The following MAP3K8 variants were observed in gnomAD, a reference collection of about 807,000 sequenced individuals.
The protein encoded by MAP3K8 is Ewing sarcoma transformant.
Under a neutral mutation model 45.8 loss-of-function variants are expected in MAP3K8, and 22 were observed. That is an observed-to-expected ratio of 0.48 (90% CI 0.34 to 0.69). The LOEUF (loss-of-function observed/expected upper bound fraction) is 0.69. Among genes scored for constraint, MAP3K8 ranks in the 30% least tolerant of loss-of-function variants. The probability of loss-of-function intolerance (pLI) is 0.01; values close to 1 mark genes in which losing one functional copy is unlikely to be tolerated. For synonymous variants in MAP3K8, 223 were observed against 214.3 expected (o/e 1.04, Z -0.36); for missense variants, 419 against 585.0 (o/e 0.72, Z 2.93).
rs555475651 is a variant in MAP3K8 at position 30,450,621 on chromosome 10, G to A, written c.766+102G>A. On this transcript the variant is annotated intron_variant, in intron 5 of 8. Transcript: ENST00000263056. ...ATCTGAAGACCCTCCATGGAGGGTG[G>A]AAAGCTCCCTCAGAGCACCGTCCGT... The A allele has an allele frequency of 3.5e-4, 356 of 1,016,598 alleles. 5 individuals are homozygous for A. The South Asian group carries it at 5.1e-3, about 15-fold the overall frequency. The allele number at this position is 1,016,598 out of a possible 1,614,324, so 63.0% of individuals were successfully genotyped here.
In MAP3K8 at chr10:30,460,728, C is replaced by T. The variant is rs369517029; in HGVS notation, c.1296C>T (p.Thr432=). 1.1e-4 allele frequency: 184 copies of T among 1,611,240 alleles called. No homozygotes were observed. In the South Asian group the frequency reaches 1.7e-3, roughly 15 times the overall value. Residue 432 remains threonine, a synonymous_variant, in exon 9 of 9, where the codon ACC becomes ACT. Transcript: ENST00000263056. ...CAGATTCTTCGTGCACAGGAAGCACCGAGGAATCTGAGATGCTCAAGAGGC... is the reference window on the plus strand; with the variant it reads ...CAGATTCTTCGTGCACAGGAAGCACTGAGGAATCTGAGATGCTCAAGAGGC... ...NIADSSCTGS[T]EESEMLKRQR...
Position 30,461,158 on chromosome 10 carries a change from G to A in MAP3K8, c.*322G>A, listed in dbSNP as rs982027555. On this transcript the variant is annotated 3_prime_UTR_variant, in exon 9 of 9. Coordinates refer to ENST00000263056, the MANE Select transcript of MAP3K8 (RefSeq NM_005204.4). ...AAAATTTTAAAAATACCAATCACAA[G>A]GATAATAGAGTAGCCTAAAATTACT... 2 of 274,454 alleles carry A rather than the reference G, an allele frequency of 7.3e-6. No homozygotes were observed. The highest frequency in any genetic ancestry group is 1.4e-5 in the Non-Finnish European group (2 of 145,440). 17.0% of individuals were successfully genotyped at this position (274,454 alleles called of 1,614,324 possible). A position where few individuals can be genotyped will look rare whatever the true frequency, so the allele number is the denominator to read the frequency against.
At chr10:30,443,889 C>T (rs1025852599) in intron 3 of MAP3K8, among the ~76,000 whole-genome samples, 8 of 152,114 alleles carry the variant, frequency 5.3e-5, no homozygotes, top group African/African-American at 1.9e-4. Context: ...GCATAGAGTT[C>T]CCTAAGATGG....
chr10:30,440,738 G>T (rs1463211839), intron 3 of MAP3K8, among the ~76,000 whole-genome samples: 1 of 151,972 alleles, frequency 6.6e-6, no homozygotes, highest in African/African-American at 2.4e-5. Context: ...TCTATACCGA[G>T]AAATATAATT....
intron 6 of MAP3K8, among the ~76,000 whole-genome samples, chr10:30,453,500 C>G (rs1486772997): frequency 6.6e-6 from 1 of 152,144 alleles, no homozygotes; most frequent in Admixed American, 6.6e-5. Flanking sequence ...AAATGAGATT[C>G]TGAAAAATGC....
rs945923716 is a variant in MAP3K8, at chr10:30,461,518, A to C, written c.*682A>C. On this transcript the variant is annotated 3_prime_UTR_variant, in exon 9 of 9. Coordinates refer to ENST00000263056, the MANE Select transcript of MAP3K8 (RefSeq NM_005204.4). ...TTTGAATGTGGATAAAACTGTGTAA[A>C]CCACATAATTTTTGTACATCCCAAA... The C allele has an allele frequency of 1.1e-4, 22 of 194,390 alleles. No homozygotes were observed. Among genetic ancestry groups the C allele is most frequent in the Admixed American group, 3.1e-4 (5 of 16,370 alleles). The allele number at this position is 194,390 out of a possible 1,614,324, so 12.0% of individuals were successfully genotyped here.
At chr10:30,454,836 C>T (rs756723145) in intron 6 of MAP3K8, among the ~76,000 whole-genome samples, 22 of 151,580 alleles carry the variant, frequency 1.5e-4, no homozygotes, top group East Asian at 5.8e-4. Flanking sequence ...TTAATGCTTA[C>T]GACATGTTTT....
chr10:30,453,633 G>A (rs1198801948), intron 6 of MAP3K8, among the ~76,000 whole-genome samples: 1 of 152,216 alleles, frequency 6.6e-6, no homozygotes, highest in Admixed American at 6.5e-5. Context: ...CAACGAGGAA[G>A]CATGACACAA....
At chr10:30,458,907 G>A (rs779216416) in intron 7 of MAP3K8, among the ~76,000 whole-genome samples, 14 of 151,970 alleles carry the variant, frequency 9.2e-5, no homozygotes, top group Admixed American at 2.0e-4. Context: ...AGACCCCATC[G>A]CTACAAAAAA....
chr10:30,440,590 T>G (rs1836069075), intron 3 of MAP3K8, among the ~76,000 whole-genome samples: 1 of 152,218 alleles, frequency 6.6e-6, no homozygotes, highest in Admixed American at 6.5e-5. Context: ...AAGCTCTATT[T>G]AATAGTCGAC....
intron 6 of MAP3K8, among the ~76,000 whole-genome samples, chr10:30,452,629 A>C (rs1052123488): frequency 9.2e-5 from 14 of 152,004 alleles, no homozygotes; most frequent in African/African-American, 3.4e-4. Flanking sequence ...CTTCAAAAAA[A>C]AAAAAAGCCC....
In MAP3K8 at chr10:30,441,114, G is replaced by A. The variant is rs182800456; in HGVS notation, c.336+1840G>A. Among the ~76,000 whole-genome samples, 192 of 152,104 alleles carry A rather than the reference G, an allele frequency of 1.3e-3. 1 individual carries two copies. The highest frequency in any genetic ancestry group is 4.4e-3 in the African/African-American group (181 of 41,494). ...GTAAAATGTTGTCATTACCTGCTGTGGGTCCTGTGCTCTTTAAAAGAACAA... is the reference window on the plus strand; with the variant it reads ...GTAAAATGTTGTCATTACCTGCTGTAGGTCCTGTGCTCTTTAAAAGAACAA... On this transcript the variant is annotated intron_variant, in intron 3 of 8. Transcript: ENST00000263056.
At chr10:30,434,470 C>T in intron 1 of MAP3K8, 92 bp downstream of exon 1, 2 of 985,630 alleles carry the variant, frequency 2.0e-6, no homozygotes, top group South Asian at 9.4e-5. Flanking sequence ...GAGGGTGCCC[C>T]CAGCAGAGGG....
At chr10:30,434,598 G>T (rs955787208) in intron 1 of MAP3K8, 1 of 985,966 alleles carries the variant, frequency 1.0e-6, no homozygotes, top group East Asian at 1.1e-4. Flanking sequence ...GTGCAGACTC[G>T]CGACTCCTCC....
In MAP3K8 at chr10:30,439,016, A is replaced by G. The variant is rs1445713423; in HGVS notation, c.78A>G (p.Val26=). 1.2e-6 allele frequency: 2 copies of G among 1,612,966 alleles called. No individual in the cohort carries two copies. Among genetic ancestry groups the G allele is most frequent in the Non-Finnish European group, 8.5e-7 (1 of 1,178,884 alleles). ...TTAAACATTTAAATGTGTCTGATGTAATAGACATTATGGAAAATCTTTATG... is the reference window on the plus strand; with the variant it reads ...TTAAACATTTAAATGTGTCTGATGTGATAGACATTATGGAAAATCTTTATG... ...LLIKHLNVSD[V]IDIMENLYAS... Residue 26 remains valine (V), a synonymous_variant, in exon 3 of 9, where the codon GTA becomes GTG. Coordinates refer to ENST00000263056, the MANE Select transcript of MAP3K8 (RefSeq NM_005204.4).
chr10:30,434,749 G>A (rs1301207844), intron 1 of MAP3K8: 2 of 985,426 alleles, frequency 2.0e-6, no homozygotes, highest in African/African-American at 1.7e-5. Flanking sequence ...CCGAGACCCG[G>A]TGAGTGCAGC....
chr10:30,450,340 C>T lies in MAP3K8; in HGVS notation c.587C>T (p.Ala196Val), dbSNP rs142650056. 41 of 1,613,972 alleles carry T rather than the reference C, an allele frequency of 2.5e-5. No homozygotes were observed. The highest frequency in any genetic ancestry group is 3.1e-5 in the Non-Finnish European group (36 of 1,180,018). ...RHENIAELYG[A>V]VLWGETVHLF... Reference sequence around the variant, plus strand: ...GAGAACATCGCAGAGCTGTATGGCGCAGTCCTGTGGGGTGAAACTGTCCAT... The same window carrying T: ...GAGAACATCGCAGAGCTGTATGGCGTAGTCCTGTGGGGTGAAACTGTCCAT... The change falls in exon 5 of 9, where the codon GCA (alanine) becomes GTA (valine). Residue 196 changes from alanine to valine, a missense_variant. Ala to Val is a moderately conservative substitution (Grantham distance 64). This residue lies in a region of MAP3K8 where 209 missense variants were observed against 367.3 expected (regional missense o/e 0.57). Coordinates refer to ENST00000263056, the MANE Select transcript of MAP3K8 (RefSeq NM_005204.4).
intron 5 of MAP3K8, 92 bp downstream of exon 5, chr10:30,450,611 A>G: frequency 8.2e-7 from 1 of 1,212,276 alleles, no homozygotes; most frequent in Non-Finnish European, 1.2e-6. Flanking sequence ...AAGACCCTCC[A>G]TGGAGGGTGG....
rs200843234 is a variant in MAP3K8, at chr10:30,447,886, C to T, written c.441C>T (p.Gly147=). The change falls in exon 4 of 9, where the codon GGC becomes GGT. Residue 147 remains glycine, a synonymous_variant. Coordinates refer to ENST00000263056, the MANE Select transcript of MAP3K8 (RefSeq NM_005204.4). ...TTGGTTCTGATTTTATTCCTCGGGG[C>T]GCCTTTGGAAAGGTATACTTGGCAC... ...RNIGSDFIPR[G]AFGKVYLAQD... 184 of 1,613,636 alleles carry T rather than the reference C, an allele frequency of 1.1e-4. No individual in the cohort carries two copies. Among genetic ancestry groups the T allele is most frequent in the Non-Finnish European group, 1.4e-4 (171 of 1,179,784 alleles).
Sources: allele counts gnomAD v4.1 joint callset (sites outside exome capture counted in the v4.1 genomes callset), GRCh38; gene constraint gnomAD v4.1.1; regional missense constraint gnomAD v4.1.1; transcripts MANE v1.5; gene names NCBI Gene and HGNC (gene_info 2026-07-23, HGNC 2026-07-21).